WDR27: variants seen among roughly 807,000 people sequenced by gnomAD.
The protein encoded by WDR27 is WD repeat domain 27.
In WDR27, 100 loss-of-function variants were observed where a neutral mutation model predicts 114.4. The observed-to-expected ratio is 0.87, with a 90% confidence interval of 0.74 to 1.03. WDR27 has a LOEUF of 1.03. Among genes scored for constraint, WDR27 ranks in the 50% least tolerant of loss-of-function variants. The probability of loss-of-function intolerance (pLI) is 0.00; values close to 1 mark genes in which losing one functional copy is unlikely to be tolerated. For missense variants in WDR27, 1,129 were observed against 1,092.9 expected (o/e 1.03, Z -0.47); for synonymous variants, 449 against 423.1 (o/e 1.06, Z -0.75).
chr6:169,688,256 G>A lies in WDR27; in HGVS notation c.189+561C>T, dbSNP rs982940367. 2.6e-5 allele frequency among the ~76,000 whole-genome samples: 4 copies of A among 152,064 alleles called. 1 individual carries two copies. The highest frequency in any genetic ancestry group is 6.3e-3 in the Middle Eastern group (2 of 316). ...CTCATAAACATGCTGATTAATCAAA[G>A]AAACCAGCACAAAAAAGTACGTAAT... On this transcript the variant is annotated intron_variant, in intron 2 of 25. Coordinates refer to ENST00000448612, the MANE Select transcript of WDR27 (RefSeq NM_182552.5).
intron 1 of WDR27, among the ~76,000 whole-genome samples, chr6:169,693,086 G>C (rs1562950336): frequency 6.6e-6 from 1 of 152,178 alleles, no homozygotes; most frequent in Admixed American, 6.5e-5. Context: ...TTAGAGCTGT[G>C]AGACAAAAGC....
chr6:169,462,854 A>C (rs1009827786), intron 25 of WDR27, among the ~76,000 whole-genome samples: 1 of 152,256 alleles, frequency 6.6e-6, no homozygotes, highest in Non-Finnish European at 1.5e-5. Context: ...AATTAATGAT[A>C]CAAAACCCAC....
At position 169,701,727 on chromosome 6, in the gene WDR27, G is replaced by A; in HGVS notation, c.-184C>T. On this transcript the variant is annotated 5_prime_UTR_variant, in exon 1 of 26. Coordinates refer to ENST00000448612, the MANE Select transcript of WDR27 (RefSeq NM_182552.5). The stretch of plus-strand genomic sequence containing the variant: ...GACAGCGGGCAACGGCTCTGGTCCA[G>A]AGCGCGCGTGTCCGCCGTTGGAAGC... The A allele has an allele frequency of 4.2e-6, 1 of 236,760 alleles. No individual in the cohort carries two copies. The highest frequency in any genetic ancestry group is 5.7e-5 in the Admixed American group (1 of 17,664). The allele number at this position is 236,760 out of a possible 1,614,324, so 14.7% of individuals were successfully genotyped here.
rs1390210376 is a variant in WDR27, at chr6:169,684,935, C to A, written c.189+3882G>T. ...GCAAGCCAGACCCCAAGTTGGCTGA[C>A]CCTATGTGTACATGTGTACCCCCAA... is the stretch of plus-strand genomic sequence containing the variant. On this transcript the variant is annotated intron_variant, in intron 2 of 25. Transcript: ENST00000448612. This position sits in a 1 kb window ranked among gnomAD's most constrained non-coding sequence, Gnocchi z 4.3. Among the ~76,000 whole-genome samples, 8 of 152,202 alleles carry A rather than the reference C, an allele frequency of 5.3e-5. No homozygotes were observed.
At chr6:169,458,972 A>G (rs1784604476) in intron 25 of WDR27, among the ~76,000 whole-genome samples, 1 of 151,806 alleles carries the variant, frequency 6.6e-6, no homozygotes, top group Non-Finnish European at 1.5e-5. Context: ...AAAAAATCAA[A>G]CCCAGGAGAA....
At chr6:169,534,972 C>A (rs554149112) in intron 25 of WDR27, among the ~76,000 whole-genome samples, 31 of 147,428 alleles carry the variant, frequency 2.1e-4, no homozygotes, top group Non-Finnish European at 2.4e-4. Flanking sequence ...TATAATTTTA[C>A]AAAAAAAAAA....
intron 25 of WDR27, among the ~76,000 whole-genome samples, chr6:169,502,193 G>A (rs1167590247): frequency 1.3e-5 from 2 of 152,216 alleles, no homozygotes; most frequent in Non-Finnish European, 2.9e-5. Flanking sequence ...GGGAGAGGAA[G>A]CCGCACGCCT....
chr6:169,653,248 G>T (rs1478633405), intron 13 of WDR27, among the ~76,000 whole-genome samples: 1 of 152,106 alleles, frequency 6.6e-6, no homozygotes, highest in South Asian at 2.1e-4. Context: ...ATTAATATTG[G>T]TTAGTCAAGG....
intron 25 of WDR27, among the ~76,000 whole-genome samples, chr6:169,517,595 G>C (rs1793835484): frequency 6.6e-6 from 1 of 152,144 alleles, no homozygotes; most frequent in Non-Finnish European, 1.5e-5. Context: ...ATGTGGGTTT[G>C]AGTTATTTTC....
At chr6:169,632,720 G>A (rs1816721572) in intron 21 of WDR27, among the ~76,000 whole-genome samples, 1 of 151,874 alleles carries the variant, frequency 6.6e-6, no homozygotes, top group African/African-American at 2.4e-5. Context: ...TCTTAATATG[G>A]GCCCATAAAA....
At chr6:169,563,216 G>A (rs950034903) in intron 25 of WDR27, among the ~76,000 whole-genome samples, 2 of 152,132 alleles carry the variant, frequency 1.3e-5, no homozygotes, top group African/African-American at 4.8e-5. Context: ...TCTGCCAGCC[G>A]CAGTTGAACC....
intron 13 of WDR27, chr6:169,657,888 T>C (rs1562839741): frequency 5.5e-6 from 1 of 183,010 alleles, no homozygotes; most frequent in African/African-American, 2.3e-5. Flanking sequence ...CACTCAAGTG[T>C]GCAGGAGTAC....
At chr6:169,436,486 ACTTT>A in the WDR27 span, among the ~76,000 whole-genome samples, 1 of 35,588 alleles carries the variant, frequency 2.8e-5, no homozygotes, top group Non-Finnish European at 4.4e-5. Flanking sequence ...CATATATTTA[ACTTT>A]AAGAGTCTTA....
chr6:169,691,083 C>T (rs1329460325), intron 1 of WDR27, among the ~76,000 whole-genome samples: 5 of 152,056 alleles, frequency 3.3e-5, no homozygotes, highest in Admixed American at 6.5e-5. Context: ...GGTGTGGTGG[C>T]GGGCACCTGT....
intron 25 of WDR27, among the ~76,000 whole-genome samples, chr6:169,529,384 A>G (rs1795332078): frequency 7.2e-6 from 1 of 138,498 alleles, no homozygotes; most frequent in Non-Finnish European, 1.6e-5. Context: ...TGTTTTGTCT[A>G]TTTATAGTTT....
chr6:169,696,222 T>C (rs1785911100), intron 1 of WDR27, among the ~76,000 whole-genome samples: 1 of 152,238 alleles, frequency 6.6e-6, no homozygotes, highest in African/African-American at 2.4e-5. Context: ...CTATCGGGAC[T>C]GAACCCTGAA....
At chr6:169,527,145 A>G (rs912207868) in intron 25 of WDR27, among the ~76,000 whole-genome samples, 2 of 152,140 alleles carry the variant, frequency 1.3e-5, no homozygotes, top group Non-Finnish European at 1.5e-5. Flanking sequence ...ACTCCTACAT[A>G]TACACAAATA....
At chr6:169,553,163 G>A (rs1369146036) in intron 25 of WDR27, among the ~76,000 whole-genome samples, 2 of 151,748 alleles carry the variant, frequency 1.3e-5, no homozygotes, top group Non-Finnish European at 1.5e-5. Flanking sequence ...TGGGACAGCA[G>A]CATCCACAGG....
chr6:169,437,000 T>C, the WDR27 span, among the ~76,000 whole-genome samples: 21 of 152,276 alleles, frequency 1.4e-4, no homozygotes, highest in South Asian at 8.3e-4. Context: ...AATTAATATA[T>C]GTAGTTCCAT....
Sources: gnomAD v4.1 joint callset for allele counts (sites outside exome capture counted in the v4.1 genomes callset) on GRCh38, gnomAD v4.1.1 for gene constraint, Gnocchi (gnomAD v3.1) non-coding constraint, MANE v1.5 for transcripts, NCBI Gene and HGNC (gene_info 2026-07-23, HGNC 2026-07-21) for gene names.